Variants in PCDHA6 observed in about 807,000 individuals in gnomAD.
PCDHA6 encodes protocadherin alpha-6.
PCDHA6 carries 55 observed loss-of-function variants against 60.3 expected under a neutral mutation model. The ratio of observed to expected loss-of-function variants is 0.91; its 90% CI spans 0.73 to 1.14. The LOEUF (loss-of-function observed/expected upper bound fraction) is 1.14, where lower values mean the gene tolerates loss of function less well. Ranked by LOEUF, PCDHA6 falls within the 50% of genes most tolerant of loss-of-function variation. The pLI, the probability that PCDHA6 is intolerant of heterozygous loss-of-function variation, is 0.00. For missense variants in PCDHA6, 1,327 were observed against 1,256.5 expected (o/e 1.06, Z -0.85); for synonymous variants, 652 against 557.9 (o/e 1.17, Z -2.38).
chr5:140,966,515 G>A, intron 1 of PCDHA6: 1 of 436,996 alleles, frequency 2.3e-6, no homozygotes, highest in East Asian at 3.5e-5. Context: ...AGCAGCAGCA[G>A]GAAGCCGAGC....
chr5:140,839,670 T>C (rs1776356207), intron 1 of PCDHA6, among the ~76,000 whole-genome samples: 1 of 152,026 alleles, frequency 6.6e-6, no homozygotes, highest in Non-Finnish European at 1.5e-5. Flanking sequence ...CTATTTAGAG[T>C]CAACTACAGA....
intron 1 of PCDHA6, chr5:140,858,119 C>T (rs1444406371): frequency 4.4e-6 from 7 of 1,597,808 alleles, no homozygotes; most frequent in South Asian, 1.1e-5. Flanking sequence ...CGAGGTGGCC[C>T]TGGTGGATGT....
chr5:140,960,316 G>A (rs1360755627), intron 1 of PCDHA6, among the ~76,000 whole-genome samples: 1 of 152,066 alleles, frequency 6.6e-6, no homozygotes, highest in African/African-American at 2.4e-5. Flanking sequence ...ACCTCATTAG[G>A]GTCCTGTGAG....
intron 1 of PCDHA6, among the ~76,000 whole-genome samples, chr5:140,900,920 T>G (rs539511607): frequency 2.0e-5 from 3 of 152,204 alleles, no homozygotes; most frequent in Non-Finnish European, 4.4e-5. Context: ...TAAGATGATA[T>G]CTCATTGTAG....
At chr5:140,892,445 T>C (rs1177566356) in intron 1 of PCDHA6, among the ~76,000 whole-genome samples, 1 of 152,214 alleles carries the variant, frequency 6.6e-6, no homozygotes, top group Non-Finnish European at 1.5e-5. Context: ...AAAATTTACA[T>C]GTATTCTTTA....
At chr5:140,867,777 A>C (rs1477276984) in intron 1 of PCDHA6, 1 of 152,128 alleles carries the variant, frequency 6.6e-6, no homozygotes, top group Non-Finnish European at 1.5e-5. Context: ...CTCATAAGCA[A>C]TTCCTGTATT....
intron 1 of PCDHA6, chr5:140,862,369 C>G: frequency 2.9e-6 from 1 of 341,442 alleles, no homozygotes; most frequent in South Asian, 2.3e-5. Flanking sequence ...CGACCCGCAC[C>G]CTGACTCCTC....
intron 1 of PCDHA6, chr5:140,869,471 T>C (rs1554163114): frequency 6.2e-7 from 1 of 1,613,696 alleles, no homozygotes; most frequent in South Asian, 1.1e-5. Flanking sequence ...AACGTGGAGG[T>C]GAAGGACATT....
rs2150178705 is a variant in PCDHA6, at chr5:140,829,963, G to C, written c.1872G>C (p.Val624=). 1.2e-6 allele frequency: 2 copies of C among 1,614,006 alleles called. No homozygotes were observed. Among genetic ancestry groups the C allele is most frequent in the South Asian group, 1.1e-5 (1 of 91,074 alleles). Residue 624 remains valine (V), a synonymous_variant, in exon 1 of 4, where the codon GTG becomes GTC. Transcript: ENST00000529310. ...GCAGCGCTCGCTTCCCGTTTCGCGTGGGGCTGTACACGGGCGAGATCAGCA... is the reference window on the plus strand; with the variant it reads ...GCAGCGCTCGCTTCCCGTTTCGCGTCGGGCTGTACACGGGCGAGATCAGCA... The part of the protein sequence containing the change: ...PASSARFPFR[V]GLYTGEISTT...
intron 1 of PCDHA6, chr5:140,869,449 G>C (rs1562628506): frequency 9.3e-6 from 15 of 1,614,196 alleles, no homozygotes; most frequent in Non-Finnish European, 1.3e-5. Context: ...GCCGCTGCAG[G>C]TTTTCCATGT....
chr5:140,935,257 C>A (rs1200153130), intron 1 of PCDHA6, among the ~76,000 whole-genome samples: 10 of 152,150 alleles, frequency 6.6e-5, no homozygotes, highest in South Asian at 4.1e-4. Context: ...AAATACATCA[C>A]ATGTTTATAC....
At chr5:140,837,860 G>A (rs2150280331) in intron 1 of PCDHA6, among the ~76,000 whole-genome samples, 4 of 151,378 alleles carry the variant, frequency 2.6e-5, no homozygotes, top group Admixed American at 6.6e-5. Context: ...TTTTATTTTT[G>A]TAGAGACAGG....
At chr5:140,889,218 G>T (rs1163027011) in intron 1 of PCDHA6, among the ~76,000 whole-genome samples, 1 of 151,574 alleles carries the variant, frequency 6.6e-6, no homozygotes, top group Non-Finnish European at 1.5e-5. Flanking sequence ...AAGAAGAATA[G>T]TCTTTGAAAA....
rs539900578 is a variant in PCDHA6, at chr5:140,868,861, T to C, written c.2394+38376T>C. Reference sequence around the variant, plus strand: ...ACACGTGAAATTCTGTGGTGGTAAATGCAGTGCACAGTACTCACAGTTTTA... The same window carrying C: ...ACACGTGAAATTCTGTGGTGGTAAACGCAGTGCACAGTACTCACAGTTTTA... On this transcript the variant is annotated intron_variant, in intron 1 of 3. Coordinates refer to ENST00000529310, the MANE Select transcript of PCDHA6 (RefSeq NM_018909.4). 7 of 525,402 alleles carry C rather than the reference T, an allele frequency of 1.3e-5. No homozygotes were observed. In the Admixed American group the frequency reaches 2.2e-4, roughly 17 times the overall value. 32.5% of individuals were successfully genotyped at this position (525,402 alleles called of 1,614,324 possible). A position where few individuals can be genotyped will look rare whatever the true frequency, so the allele number is the denominator to read the frequency against.
At chr5:140,835,826 C>G in intron 1 of PCDHA6, 4 of 1,612,456 alleles carry the variant, frequency 2.5e-6, no homozygotes, top group Non-Finnish European at 3.4e-6. Context: ...CGGCGGGGGA[C>G]GCGGACGCGC....
intron 1 of PCDHA6, among the ~76,000 whole-genome samples, chr5:140,978,222 G>C (rs997273847): frequency 6.6e-6 from 1 of 152,180 alleles, no homozygotes; most frequent in South Asian, 2.1e-4. Flanking sequence ...AATGTATCAG[G>C]TTTTTCTTGG....
intron 1 of PCDHA6, chr5:140,856,875 T>C (rs782182859): frequency 1.3e-6 from 2 of 1,595,778 alleles, no homozygotes; most frequent in Non-Finnish European, 1.7e-6. Flanking sequence ...AACAAGGAAA[T>C]GATGTATTCA....
At chr5:140,964,792 C>T (rs183206526) in intron 1 of PCDHA6, among the ~76,000 whole-genome samples, 5 of 151,738 alleles carry the variant, frequency 3.3e-5, no homozygotes, top group African/African-American at 7.3e-5. Context: ...AAGCCAGAGA[C>T]CCAAGAAAGG....
chr5:140,985,139 G>A (rs782548607), intron 3 of PCDHA6, among the ~76,000 whole-genome samples: 6 of 152,126 alleles, frequency 3.9e-5, no homozygotes, highest in South Asian at 2.1e-4. Flanking sequence ...GGGTTTCACC[G>A]TGTTAGCCAG....
Sources: gnomAD v4.1 joint callset for allele counts (sites outside exome capture counted in the v4.1 genomes callset) on GRCh38, gnomAD v4.1.1 for gene constraint, MANE v1.5 for transcripts, NCBI Gene and HGNC (gene_info 2026-07-23, HGNC 2026-07-21) for gene names.